SKIC3: variants seen among roughly 807,000 people sequenced by gnomAD.
The protein encoded by SKIC3 is SKI3 subunit of superkiller complex, also known as superkiller complex protein 3.
the SKIC3 span, among the ~76,000 whole-genome samples, chr5:95,503,235 T>G: frequency 3.4e-4 from 52 of 152,226 alleles, no homozygotes; most frequent in African/African-American, 1.3e-3. Flanking sequence ...CCCTAACTTC[T>G]ACGTTCGGAA....
the SKIC3 span, chr5:95,537,095 G>A: frequency 1.4e-4 from 224 of 1,613,502 alleles, no homozygotes; most frequent in Non-Finnish European, 1.8e-4. Context: ...ATCTTCACTA[G>A]GAATCTTATC....
chr5:95,501,977 A>AAATTG, the SKIC3 span, among the ~76,000 whole-genome samples: 1 of 152,200 alleles, frequency 6.6e-6, no homozygotes, highest in Non-Finnish European at 1.5e-5. Context: ...AGGAAGAAAA[A>AAATTG]AATTGCTTAT....
At chr5:95,490,475 T>C in the SKIC3 span, among the ~76,000 whole-genome samples, 4 of 146,582 alleles carry the variant, frequency 2.7e-5, no homozygotes, top group African/African-American at 1.0e-4. Context: ...TATATATATA[T>C]TCATAAAAAT....
the SKIC3 span, chr5:95,547,149 A>G: frequency 1.2e-6 from 2 of 1,612,718 alleles, no homozygotes; most frequent in East Asian, 2.2e-5. Flanking sequence ...CTTGCTGGAC[A>G]TTCTGTCAAG....
the SKIC3 span, chr5:95,517,118 T>TA: frequency 6.2e-7 from 1 of 1,613,508 alleles, no homozygotes; most frequent in Non-Finnish European, 8.5e-7. Flanking sequence ...AATTCAAATG[T>TA]TATTAACTGG....
chr5:95,486,108 C>T, the SKIC3 span, among the ~76,000 whole-genome samples: 1 of 152,148 alleles, frequency 6.6e-6, no homozygotes, highest in Non-Finnish European at 1.5e-5. Context: ...AGTGGGAGCT[C>T]ACGCTGAGTC....
At chr5:95,527,671 G>A in the SKIC3 span, among the ~76,000 whole-genome samples, 1 of 152,080 alleles carries the variant, frequency 6.6e-6, no homozygotes, top group Non-Finnish European at 1.5e-5. Context: ...AATTATTCTT[G>A]TCAAATCTGC....
At chr5:95,512,900 T>G in the SKIC3 span, 1 of 380,940 alleles carries the variant, frequency 2.6e-6, no homozygotes, top group Non-Finnish European at 4.8e-6. Context: ...TCAGCACCAT[T>G]GCCAAAGGTC....
the SKIC3 span, chr5:95,516,935 A>C: frequency 6.2e-7 from 1 of 1,608,588 alleles, no homozygotes; most frequent in Non-Finnish European, 8.5e-7. Flanking sequence ...TTTCTCCAGC[A>C]ACTCCTTAAG....
chr5:95,464,713 T>C, the SKIC3 span: 1 of 1,563,752 alleles, frequency 6.4e-7, no homozygotes, highest in African/African-American at 1.4e-5. Flanking sequence ...AACGTCAGTA[T>C]TTTGTTTATT....
chr5:95,519,316 T>C, the SKIC3 span, among the ~76,000 whole-genome samples: 3 of 152,030 alleles, frequency 2.0e-5, no homozygotes, highest in Non-Finnish European at 2.9e-5. Flanking sequence ...GTCTCAATAA[T>C]CAGCTATCAC....
chr5:95,531,342 CA>C, the SKIC3 span, among the ~76,000 whole-genome samples: 1 of 151,994 alleles, frequency 6.6e-6, no homozygotes, highest in African/African-American at 2.4e-5. Context: ...GTATATTTGG[CA>C]AAATATGAAA....
the SKIC3 span, among the ~76,000 whole-genome samples, chr5:95,488,557 C>G: frequency 1.3e-5 from 2 of 152,166 alleles, no homozygotes; most frequent in Admixed American, 1.3e-4. Context: ...AAAAAACTGT[C>G]AGCCAAGGAC....
the SKIC3 span, among the ~76,000 whole-genome samples, chr5:95,466,690 AC>A: frequency 6.6e-6 from 1 of 152,234 alleles, no homozygotes; most frequent in Admixed American, 6.5e-5. Flanking sequence ...CCTTTGGTTT[AC>A]CAGCTGGCCA....
At chr5:95,488,705 C>T in the SKIC3 span, among the ~76,000 whole-genome samples, 793 of 152,208 alleles carry the variant, frequency 5.2e-3, 6 homozygotes, top group Non-Finnish European at 8.7e-3. Context: ...GAACAGACAA[C>T]ATTTACCATC....
the SKIC3 span, chr5:95,506,898 CAATT>C: frequency 2.6e-4 from 416 of 1,602,486 alleles, 4 homozygotes; most frequent in African/African-American, 4.2e-3. Context: ...AAAATACAAT[CAATT>C]GACAGAATTA....
At chr5:95,534,321 TACTA>T in the SKIC3 span, among the ~76,000 whole-genome samples, 30 of 152,030 alleles carry the variant, frequency 2.0e-4, no homozygotes, top group Admixed American at 1.7e-3. Context: ...CTATCTCACC[TACTA>T]ACTATTTCTT....
At chr5:95,493,666 G>A in the SKIC3 span, among the ~76,000 whole-genome samples, 36 of 151,756 alleles carry the variant, frequency 2.4e-4, no homozygotes, top group Non-Finnish European at 3.8e-4. Flanking sequence ...CTTAATGAGG[G>A]TCTTTACAAT....
At chr5:95,542,406 A>C in the SKIC3 span, among the ~76,000 whole-genome samples, 1 of 152,196 alleles carries the variant, frequency 6.6e-6, no homozygotes, top group Admixed American at 6.5e-5. Context: ...CATGCTACGT[A>C]GTTACCACTG....
Sources: gnomAD v4.1 joint callset for allele counts (sites outside exome capture counted in the v4.1 genomes callset) on GRCh38, gnomAD v4.1.1 for gene constraint, MANE v1.5 for transcripts, NCBI Gene and HGNC (gene_info 2026-07-23, HGNC 2026-07-21) for gene names.